Variants in MCUR1 observed in about 807,000 individuals in gnomAD.
The protein encoded by MCUR1 is mitochondrial calcium uniporter regulator 1.
In MCUR1, 37 loss-of-function variants were observed where a neutral mutation model predicts 42.0. The observed-to-expected ratio is 0.88, with a 90% CI of 0.68 to 1.16. The LOEUF is 1.16. Among genes scored for constraint, MCUR1 ranks in the 50% most tolerant of loss-of-function variants. The probability of loss-of-function intolerance (pLI) is 0.00; values close to 1 mark genes in which losing one functional copy is unlikely to be tolerated. For missense variants in MCUR1, 469 were observed against 468.4 expected (o/e 1.00, Z -0.01); for synonymous variants, 229 against 196.2 (o/e 1.17, Z -1.40).
chr6:13,803,691 A>G, intron 2 of MCUR1: 1 of 882,208 alleles, frequency 1.1e-6, no homozygotes, highest in Non-Finnish European at 1.4e-6. Flanking sequence ...TCAACATGTT[A>G]TACACATGTC....
chr6:13,802,187 C>T, intron 3 of MCUR1, 56 bp downstream of exon 3: 1 of 1,358,570 alleles, frequency 7.4e-7, no homozygotes, highest in South Asian at 1.2e-5. Context: ...AACATTACTA[C>T]AAATAATACC....
chr6:13,813,411 A>G (rs1760281232), intron 1 of MCUR1, among the ~76,000 whole-genome samples: 1 of 152,156 alleles, frequency 6.6e-6, no homozygotes, highest in Non-Finnish European at 1.5e-5. Context: ...ATTTGTATAT[A>G]TAAATTATAT....
intron 2 of MCUR1, among the ~76,000 whole-genome samples, chr6:13,802,884 T>C (rs1009468884): frequency 9.2e-5 from 14 of 152,354 alleles, no homozygotes; most frequent in African/African-American, 3.4e-4. Flanking sequence ...TCATTGACTA[T>C]ATAAATAGTA....
intron 7 of MCUR1, 94 bp downstream of exon 7, chr6:13,793,800 C>A: frequency 9.4e-7 from 1 of 1,065,214 alleles, no homozygotes; most frequent in South Asian, 1.3e-5. Flanking sequence ...AGTAAACCTG[C>A]ATGTAACTTC....
rs1584993118 is a variant in MCUR1, at chr6:13,814,040, C to T, written c.390G>A (p.Ala130=). The T allele has an allele frequency of 2.4e-6, 3 of 1,236,886 alleles. No homozygotes were observed. Among genetic ancestry groups the T allele is most frequent in the Non-Finnish European group, 3.0e-6 (3 of 991,234 alleles). 76.6% of individuals were successfully genotyped at this position (1,236,886 alleles called of 1,614,324 possible). Reference sequence around the variant, plus strand: ...CTCTCCTGCAGGAAACGAGTGCAGGCGCCGGGCCGTGGTACTGGGGAAGGG... The same window carrying T: ...CTCTCCTGCAGGAAACGAGTGCAGGTGCCGGGCCGTGGTACTGGGGAAGGG... ...AGALPQYHGP[A]PALVSCRREL... Residue 130 remains alanine (A), a synonymous_variant, in exon 1 of 9, where the codon GCG becomes GCA. Transcript: ENST00000379170.
chr6:13,811,069 A>T (rs1177102453), intron 1 of MCUR1, among the ~76,000 whole-genome samples: 4 of 152,190 alleles, frequency 2.6e-5, no homozygotes, highest in Non-Finnish European at 5.9e-5. Context: ...TTAAATTGCC[A>T]ATTTACTGAG....
chr6:13,806,405 G>A (rs917163851), intron 2 of MCUR1, among the ~76,000 whole-genome samples: 1 of 152,248 alleles, frequency 6.6e-6, no homozygotes, highest in East Asian at 1.9e-4. Context: ...AGACACTGTT[G>A]TCATAGGAAT....
Position 13,814,251 on chromosome 6 carries a change from C to G in MCUR1, c.179G>C (p.Arg60Pro), listed in dbSNP as rs958728046. ...CGGTGAGGCACGTGACACGCCGCCGCGGGCCGCCGGGGCGCGAGGGCGCAG... is the reference window on the plus strand; with the variant it reads ...CGGTGAGGCACGTGACACGCCGCCGGGGGCCGCCGGGGCGCGAGGGCGCAG... Reference protein sequence around the residue: ...GALRPRAPAARGGVSRASPLL... With the variant: ...GALRPRAPAAPGGVSRASPLL... The change falls in exon 1 of 9, where the codon CGC (arginine) becomes CCC (proline). Residue 60 changes from arginine (R) to proline (P), a missense_variant. By Grantham distance (103) the Arg-to-Pro change is moderately radical. Coordinates refer to ENST00000379170, the MANE Select transcript of MCUR1 (RefSeq NM_001031713.4). 2.7e-6 allele frequency: 4 copies of G among 1,472,638 alleles called. No homozygotes were observed. The highest frequency in any genetic ancestry group is 2.9e-5 in the African/African-American group (2 of 68,084). The allele number at this position is 1,472,638 out of a possible 1,614,324, so 91.2% of individuals were successfully genotyped here.
At position 13,801,375 on chromosome 6, in the gene MCUR1, C is replaced by T. The variant is rs1390823583; in HGVS notation, c.654G>A (p.Gln218=). Reference sequence around the variant, plus strand: ...CATTCGCAATCTGAGACATTACTTGCTGAAAAGTGATTTCCTAGGAAAAGA... The same window carrying T: ...CATTCGCAATCTGAGACATTACTTGTTGAAAAGTGATTTCCTAGGAAAAGA... ...VTKMQQEITF[Q]QVMSQIANVK... is the part of the protein sequence containing the mutation. The change falls in exon 4 of 9, where the codon CAG becomes CAA. Residue 218 remains glutamine (Q), a synonymous_variant. Transcript: ENST00000379170. 1.2e-6 allele frequency: 2 copies of T among 1,610,422 alleles called. No individual in the cohort carries two copies. The highest frequency in any genetic ancestry group is 1.7e-6 in the Non-Finnish European group (2 of 1,178,838).
chr6:13,793,244 A>G (rs936855156), intron 7 of MCUR1, among the ~76,000 whole-genome samples: 6 of 152,110 alleles, frequency 3.9e-5, no homozygotes, highest in Admixed American at 3.9e-4. Context: ...AGTGCAAAAA[A>G]TCCTGTGACA....
intron 2 of MCUR1, among the ~76,000 whole-genome samples, chr6:13,802,756 A>C (rs896595104): frequency 6.6e-6 from 1 of 152,238 alleles, no homozygotes; most frequent in Non-Finnish European, 1.5e-5. Flanking sequence ...TCTCTGCATT[A>C]TGTAGATTTT....
chr6:13,799,030 G>C (rs2113463148), intron 5 of MCUR1, 126 bp from the exon 6 acceptor site: 1 of 617,592 alleles, frequency 1.6e-6, no homozygotes, highest in South Asian at 2.0e-5. Flanking sequence ...CAGGGAGGGA[G>C]AGAGCCAGGG....
intron 5 of MCUR1, among the ~76,000 whole-genome samples, chr6:13,799,919 C>T (rs953667412): frequency 3.4e-5 from 5 of 146,018 alleles, no homozygotes; most frequent in Admixed American, 7.2e-5. Flanking sequence ...GCAACCTCTG[C>T]TTCCTGGGTT....
At chr6:13,797,378 A>G (rs969027797) in intron 6 of MCUR1, among the ~76,000 whole-genome samples, 13 of 152,206 alleles carry the variant, frequency 8.5e-5, no homozygotes, top group Admixed American at 6.5e-4. Flanking sequence ...AGACAGGGTT[A>G]AAAATCACTA....
In MCUR1 at chr6:13,814,422, C is replaced by A; in HGVS notation, c.8G>T (p.Cys3Phe). Residue 3 changes from cysteine (C) to phenylalanine (F), a missense_variant, in exon 1 of 9, where the codon TGC (cysteine) becomes TTC (phenylalanine). Cys to Phe is a radical substitution (Grantham distance 205, BLOSUM62 -2). Transcript: ENST00000379170. ...GGTCCTCTGGCCGCCGACCGAGCCG[C>A]AGTCCATCCCCGAGCAGTTCACTGG... MD[C>F]GSVGGQRTQR... 6.5e-7 allele frequency: 1 copy of A among 1,537,276 alleles called. No individual in the cohort carries two copies. Among genetic ancestry groups the A allele is most frequent in the Admixed American group, 1.9e-5 (1 of 52,900 alleles).
Position 13,791,961 on chromosome 6 carries a change from G to T in MCUR1, c.941C>A (p.Thr314Lys). ...HAQQDRALTQ[T>K]DRKIETEVAG... The stretch of plus-strand genomic sequence containing the variant: ...AACCTCAGTTTCGATCTTCCTGTCT[G>T]TCTGGGTAAGGGCCCGATCTTGCTG... Residue 314 changes from threonine (T) to lysine (K), a missense_variant, in exon 8 of 9, where the codon ACA becomes AAA. Physicochemically the swap from Thr to Lys is moderately conservative, Grantham distance 78 (BLOSUM62 -1). Transcript: ENST00000379170. 1 of 1,614,006 alleles carries T rather than the reference G, an allele frequency of 6.2e-7. No individual in the cohort carries two copies. Among genetic ancestry groups the T allele is most frequent in the Non-Finnish European group, 8.5e-7 (1 of 1,179,966 alleles).
intron 1 of MCUR1, among the ~76,000 whole-genome samples, chr6:13,808,284 G>T (rs890952561): frequency 6.6e-6 from 1 of 152,092 alleles, no homozygotes; most frequent in African/African-American, 2.4e-5. Flanking sequence ...CCAGTCTGTG[G>T]TATCTCCTTA....
chr6:13,790,777 A>C lies in MCUR1; in HGVS notation c.*32T>G. 6.3e-7 allele frequency: 1 copy of C among 1,577,872 alleles called. No homozygotes were observed. The highest frequency in any genetic ancestry group is 1.1e-5 in the South Asian group (1 of 89,288). On this transcript the variant is annotated 3_prime_UTR_variant, in exon 9 of 9. Transcript: ENST00000379170. The stretch of plus-strand genomic sequence containing the variant: ...CAACAATCTGGTATTCTTAAGGCAA[A>C]ACAGTAGAAATCACTTTAAATAGAC...
In MCUR1 at chr6:13,790,833, C is replaced by G; in HGVS notation, c.1056G>C (p.Leu352=). 1 of 1,611,710 alleles carries G rather than the reference C, an allele frequency of 6.2e-7. No homozygotes were observed. Reference sequence around the variant, plus strand: ...ATTAGATCCACAGGCGATAAAATCCCAGAGCTACTGTTAGGCACGTAAATA... The same window carrying G: ...ATTAGATCCACAGGCGATAAAATCCGAGAGCTACTGTTAGGCACGTAAATA... The part of the protein sequence containing the change: ...GSIFTCLTVA[L]GFYRLWI The change falls in exon 9 of 9, where the codon CTG becomes CTC. Residue 352 remains leucine, a synonymous_variant. Transcript: ENST00000379170.
Sources: allele counts gnomAD v4.1 joint callset (sites outside exome capture counted in the v4.1 genomes callset), GRCh38; gene constraint gnomAD v4.1.1; transcripts MANE v1.5; gene names NCBI Gene and HGNC (gene_info 2026-07-23, HGNC 2026-07-21).